Variants in OPTN observed in about 807,000 individuals in gnomAD.
OPTN encodes optineurin, also known as E3-14.7K-interacting protein.
In OPTN, 54 loss-of-function variants were observed where a neutral mutation model predicts 70.4. The ratio of observed to expected loss-of-function variants is 0.77; its 90% CI spans 0.62 to 0.96. The LOEUF is 0.96. Among genes scored for constraint, OPTN ranks in the 40% least tolerant of loss-of-function variants. The probability of loss-of-function intolerance (pLI) is 0.00; values close to 1 mark genes in which losing one functional copy is unlikely to be tolerated. For synonymous variants in OPTN, 256 were observed against 248.5 expected (o/e 1.03, Z -0.28); for missense variants, 624 against 673.2 (o/e 0.93, Z 0.81).
upstream of OPTN, chr10:13,100,130 G>A: frequency 6.5e-6 from 1 of 152,856 alleles, no homozygotes; most frequent in South Asian, 1.9e-4. Context: ...GCTGGGCGGG[G>A]TCGCCAGGCC....
At chr10:13,125,925 T>C (rs940451523) in intron 10 of OPTN, 21 bp from the exon 11 acceptor site, 1 of 1,553,342 alleles carries the variant, frequency 6.4e-7, no homozygotes. Context: ...GGATTCCATT[T>C]TTTAATATCT....
At chr10:13,104,362 C>T (rs1276648365) in intron 1 of OPTN, among the ~76,000 whole-genome samples, 4 of 143,212 alleles carry the variant, frequency 2.8e-5, no homozygotes, top group African/African-American at 1.0e-4. Flanking sequence ...CAGGTTCAAG[C>T]GATTCTCATG....
intron 9 of OPTN, among the ~76,000 whole-genome samples, chr10:13,124,699 A>G (rs1180123153): frequency 1.3e-5 from 2 of 152,300 alleles, no homozygotes; most frequent in Non-Finnish European, 2.9e-5. Flanking sequence ...ATAATTCCCA[A>G]CACTCTGTAG....
At chr10:13,133,321 ATTTAC>A (rs1456769194) in intron 13 of OPTN, among the ~76,000 whole-genome samples, 176 bp from the exon 14 acceptor site, 4 of 151,968 alleles carry the variant, frequency 2.6e-5, no homozygotes, top group Admixed American at 2.0e-4. Context: ...AACTGTAATT[ATTTAC>A]TTTCACTAGT....
chr10:13,105,945 A>G (rs1832857161), intron 1 of OPTN, among the ~76,000 whole-genome samples: 1 of 151,858 alleles, frequency 6.6e-6, no homozygotes, highest in Non-Finnish European at 1.5e-5. Flanking sequence ...AAAAAATCTT[A>G]ACAGTTTTCA....
At chr10:13,109,396 G>C in intron 3 of OPTN, 108 bp downstream of exon 3, 9 of 1,093,634 alleles carry the variant, frequency 8.2e-6, no homozygotes, top group Non-Finnish European at 1.2e-5. Context: ...GTTTCCATAG[G>C]TGGTAGCTGG....
intron 6 of OPTN, among the ~76,000 whole-genome samples, chr10:13,117,080 CTTTTTT>C (rs560052353): frequency 8.2e-6 from 1 of 121,398 alleles, no homozygotes; most frequent in Non-Finnish European, 1.6e-5. Flanking sequence ...CTAAGGATCT[CTTTTTT>C]TTTTTTTTTT....
At chr10:13,115,118 TA>T (rs1311190040) in intron 5 of OPTN, among the ~76,000 whole-genome samples, 6 of 99,378 alleles carry the variant, frequency 6.0e-5, no homozygotes. Context: ...ATATATTATA[TA>T]TATATATAAA....
chr10:13,129,609 C>T (rs1384888902), intron 12 of OPTN, among the ~76,000 whole-genome samples: 8 of 152,134 alleles, frequency 5.3e-5, no homozygotes, highest in African/African-American at 7.2e-5. Context: ...GCTGGGATTA[C>T]GGGCGTGAGC....
chr10:13,112,141 G>T (rs11258196), intron 4 of OPTN, among the ~76,000 whole-genome samples: 2 of 147,246 alleles, frequency 1.4e-5, no homozygotes. Flanking sequence ...GAGCCACCAC[G>T]CCTGGCTTGG....
In OPTN at chr10:13,133,515, G is replaced by C. The variant is rs757107215; in HGVS notation, c.1546G>C (p.Glu516Gln). The stretch of plus-strand genomic sequence containing the variant: ...TCGTCCTGGCAGGCAGTCCTTGATG[G>C]AGATGCAGAGTCGTCATGGGGCGAG... The part of the protein sequence containing the change: ...FEDGGRQSLM[E>Q]MQSRHGARTS... Residue 516 changes from glutamate (E) to glutamine (Q), a missense_variant, in exon 14 of 15, where the codon GAG (glutamate) becomes CAG (glutamine). Physicochemically the swap from Glu to Gln is conservative, Grantham distance 29 (BLOSUM62 2). Coordinates refer to ENST00000378747, the MANE Select transcript of OPTN (RefSeq NM_001008212.2). 3.7e-6 allele frequency: 6 copies of C among 1,614,132 alleles called. No individual in the cohort carries two copies. The East Asian group carries it at 1.3e-4, about 36-fold the overall frequency.
At chr10:13,101,553 T>G (rs973405559) in intron 1 of OPTN, among the ~76,000 whole-genome samples, 2 of 151,968 alleles carry the variant, frequency 1.3e-5, no homozygotes, top group Non-Finnish European at 2.9e-5. Context: ...ATTTGGCATA[T>G]TTGATATATG....
intron 11 of OPTN, among the ~76,000 whole-genome samples, chr10:13,127,432 G>A (rs143181748): frequency 1.3e-3 from 192 of 152,240 alleles, no homozygotes; most frequent in African/African-American, 4.4e-3. Context: ...CCCTGATTTC[G>A]GTGTTATCAC....
Position 13,119,051 on chromosome 10 carries a change from G to C in OPTN, c.779+11G>C. ...GGAGGCCAAAGAAAGGTATGAAATA[G>C]GTTAACTTGAAATATGTGTTTTTTT... On this transcript the variant is annotated intron_variant, in intron 7 of 14. Transcript: ENST00000378747. The C allele has an allele frequency of 3.1e-6, 5 of 1,613,092 alleles. No homozygotes were observed. The highest frequency in any genetic ancestry group is 4.2e-6 in the Non-Finnish European group (5 of 1,179,246).
chr10:13,116,197 T>C (rs1833203912), intron 5 of OPTN, 70 bp from the exon 6 acceptor site: 2 of 1,084,000 alleles, frequency 1.8e-6, no homozygotes, highest in African/African-American at 3.1e-5. Context: ...TTTTGTCTTT[T>C]TCTTCTTTTG....
At chr10:13,123,515 C>G (rs1169843797) in intron 8 of OPTN, among the ~76,000 whole-genome samples, 1 of 152,086 alleles carries the variant, frequency 6.6e-6, no homozygotes, top group African/African-American at 2.4e-5. Flanking sequence ...CAGCCAGTAG[C>G]AGGGAAATAT....
chr10:13,113,726 T>C (rs1561570), intron 5 of OPTN, among the ~76,000 whole-genome samples: 66,119 of 151,968 alleles, frequency 0.44, 14,912 homozygotes, highest in East Asian at 0.54. Context: ...GTAGTATAGA[T>C]GGTCACTTTC....
chr10:13,128,828 C>G (rs1833530230), intron 12 of OPTN, among the ~76,000 whole-genome samples: 1 of 152,094 alleles, frequency 6.6e-6, no homozygotes, highest in Non-Finnish European at 1.5e-5. Flanking sequence ...CAGGCATGAG[C>G]CACTGCGCCT....
Position 13,109,194 on chromosome 10 carries a change from C to A in OPTN, c.72C>A (p.Pro24=). Residue 24 remains proline (P), a synonymous_variant, in exon 3 of 15, where the codon CCC becomes CCA. Coordinates refer to ENST00000378747, the MANE Select transcript of OPTN (RefSeq NM_001008212.2). The part of the protein sequence containing the change: ...DSPSESTGNG[P]PHLAHPNLDT... Reference sequence around the variant, plus strand: ...CCAGTGAAAGCACAGGAAATGGACCCCCCCACCTGGCCCACCCAAACCTGG... The same window carrying A: ...CCAGTGAAAGCACAGGAAATGGACCACCCCACCTGGCCCACCCAAACCTGG... 1.2e-6 allele frequency: 2 copies of A among 1,614,028 alleles called. No individual in the cohort carries two copies. Among genetic ancestry groups the A allele is most frequent in the Non-Finnish European group, 1.7e-6 (2 of 1,179,974 alleles).
Sources: allele counts gnomAD v4.1 joint callset (sites outside exome capture counted in the v4.1 genomes callset), GRCh38; gene constraint gnomAD v4.1.1; transcripts MANE v1.5; gene names NCBI Gene and HGNC (gene_info 2026-07-23, HGNC 2026-07-21).